The following CPNE4 variants were observed in gnomAD, a reference collection of about 807,000 sequenced individuals.
CPNE4 encodes copine-4.
A neutral mutation model predicts 67.9 loss-of-function variants in CPNE4; 25 were observed. The observed-to-expected ratio is 0.37, with a 90% CI of 0.27 to 0.51. The LOEUF (loss-of-function observed/expected upper bound fraction) is 0.51. Among genes scored for constraint, CPNE4 ranks in the 20% least tolerant of loss-of-function variants. The pLI is 0.93. For synonymous variants in CPNE4, 242 were observed against 244.9 expected, an observed-to-expected ratio of 0.99 and a Z score of 0.11; for missense variants, 464 against 690.8, an observed-to-expected ratio of 0.67 and a Z score of 3.68.
intron 7 of CPNE4, among the ~76,000 whole-genome samples, chr3:131,599,898 G>A (rs1939107664): frequency 6.6e-6 from 1 of 152,184 alleles, no homozygotes; most frequent in African/African-American, 2.4e-5. Context: ...TAAATACAAA[G>A]CCAGCTTTAA....
intron 6 of CPNE4, among the ~76,000 whole-genome samples, chr3:131,677,398 G>T (rs1382418118): frequency 6.6e-6 from 1 of 152,048 alleles, no homozygotes; most frequent in Non-Finnish European, 1.5e-5. Context: ...TTACTCTGTT[G>T]ATAGTTTCTT....
At chr3:132,012,447 G>A (rs540889997) in intron 1 of CPNE4, among the ~76,000 whole-genome samples, 1 of 152,198 alleles carries the variant, frequency 6.6e-6, no homozygotes, top group East Asian at 1.9e-4. Context: ...AGGATTACAG[G>A]TGTGAGCCAC....
intron 1 of CPNE4, among the ~76,000 whole-genome samples, chr3:131,942,725 A>G (rs1305297977): frequency 1.3e-5 from 2 of 152,120 alleles, no homozygotes; most frequent in Non-Finnish European, 2.9e-5. Context: ...TAAACTTGGT[A>G]AGGAAATTCT....
At chr3:132,019,389 C>T (rs1229301474) in intron 1 of CPNE4, among the ~76,000 whole-genome samples, 1 of 152,000 alleles carries the variant, frequency 6.6e-6, no homozygotes, top group Non-Finnish European at 1.5e-5. Flanking sequence ...GTAAGAGAAA[C>T]AGTCATACAG....
chr3:131,768,698 G>A (rs184354353), intron 2 of CPNE4, among the ~76,000 whole-genome samples: 53 of 152,188 alleles, frequency 3.5e-4, no homozygotes, highest in African/African-American at 1.2e-3. Flanking sequence ...CTGCTGTCAT[G>A]GATGATTTTG....
chr3:131,882,434 A>T (rs1043911562), intron 2 of CPNE4, among the ~76,000 whole-genome samples: 1 of 152,196 alleles, frequency 6.6e-6, no homozygotes, highest in Non-Finnish European at 1.5e-5. Context: ...AATATTGTTT[A>T]AAGAACTGCC....
At chr3:131,792,925 G>GTGTGTGTGTATA (rs58502463) in intron 2 of CPNE4, among the ~76,000 whole-genome samples, 2,357 of 135,164 alleles carry the variant, frequency 0.017, 74 homozygotes, top group African/African-American at 0.063. Context: ...GTGTGTGTGT[G>GTGTGTGTGTATA]TATCTCCAAC....
At chr3:131,739,315 A>C (rs942483757) in intron 2 of CPNE4, among the ~76,000 whole-genome samples, 4 of 152,158 alleles carry the variant, frequency 2.6e-5, no homozygotes, top group Non-Finnish European at 5.9e-5. Context: ...AGGCTACTGA[A>C]GTTAAACTGT....
chr3:131,706,886 T>C (rs1560151749), intron 3 of CPNE4, among the ~76,000 whole-genome samples: 1 of 152,156 alleles, frequency 6.6e-6, no homozygotes, highest in African/African-American at 2.4e-5. Flanking sequence ...ATGATCCCAA[T>C]GCCCCCCACC....
chr3:131,914,968 T>C (rs187298039), intron 1 of CPNE4, among the ~76,000 whole-genome samples: 51 of 152,258 alleles, frequency 3.3e-4, no homozygotes, highest in Admixed American at 1.8e-3. Context: ...AAGAGTGAAA[T>C]TCTGTCTCAA....
intron 7 of CPNE4, among the ~76,000 whole-genome samples, chr3:131,590,036 C>G (rs900847667): frequency 2.0e-5 from 3 of 152,038 alleles, no homozygotes; most frequent in Non-Finnish European, 4.4e-5. Context: ...GAGAGACAGG[C>G]AAGGAATTTT....
At chr3:131,646,150 C>T (rs2079658020) in intron 7 of CPNE4, among the ~76,000 whole-genome samples, 1 of 152,132 alleles carries the variant, frequency 6.6e-6, no homozygotes, top group Non-Finnish European at 1.5e-5. Flanking sequence ...GTCTAGGATA[C>T]TGAAGAGTTC....
At chr3:131,623,502 G>A (rs920485010) in intron 7 of CPNE4, among the ~76,000 whole-genome samples, 4 of 152,306 alleles carry the variant, frequency 2.6e-5, no homozygotes, top group African/African-American at 7.2e-5. Context: ...CTCAAGAACT[G>A]TCATTCTTGA....
At chr3:131,647,054 C>A (rs767704113) in intron 7 of CPNE4, among the ~76,000 whole-genome samples, 163 of 152,294 alleles carry the variant, frequency 1.1e-3, no homozygotes, top group Admixed American at 2.5e-3. Context: ...AGTTACTGTG[C>A]AGATTCAGAG....
intron 1 of CPNE4, among the ~76,000 whole-genome samples, chr3:132,018,902 C>T (rs758919679): frequency 1.3e-5 from 2 of 152,096 alleles, no homozygotes; most frequent in Admixed American, 6.5e-5. Flanking sequence ...AAGAGTGATT[C>T]GATTGCTACA....
At chr3:131,728,349 T>C (rs1198771262) in intron 2 of CPNE4, among the ~76,000 whole-genome samples, 9 of 152,166 alleles carry the variant, frequency 5.9e-5, no homozygotes, top group Non-Finnish European at 1.2e-4. Flanking sequence ...TTTACACAAC[T>C]TGTAGGTAGC....
At chr3:131,667,815 C>T (rs2080303785) in intron 7 of CPNE4, among the ~76,000 whole-genome samples, 1 of 152,058 alleles carries the variant, frequency 6.6e-6, no homozygotes, top group Non-Finnish European at 1.5e-5. Context: ...ATGACCCTCT[C>T]CTTTTATCCT....
chr3:131,981,145 T>A (rs1431129293), intron 1 of CPNE4, among the ~76,000 whole-genome samples: 1 of 152,120 alleles, frequency 6.6e-6, no homozygotes, highest in Non-Finnish European at 1.5e-5. Flanking sequence ...GGTGGTTCAA[T>A]GCTTTATTTT....
intron 2 of CPNE4, among the ~76,000 whole-genome samples, chr3:131,844,396 A>G (rs1208637453): frequency 6.6e-6 from 1 of 151,746 alleles, no homozygotes; most frequent in Non-Finnish European, 1.5e-5. Flanking sequence ...CCTCCTGAGT[A>G]GCTGGGACTA....
Sources: gnomAD v4.1 joint callset for allele counts (sites outside exome capture counted in the v4.1 genomes callset) on GRCh38, gnomAD v4.1.1 for gene constraint, MANE v1.5 for transcripts, NCBI Gene and HGNC (gene_info 2026-07-23, HGNC 2026-07-21) for gene names.